Variants in AFF3 observed in about 807,000 individuals in gnomAD.
AFF3 encodes ALF transcription elongation factor 3, also known as AF4/FMR2 family member 3.
Under a neutral mutation model 129.7 loss-of-function variants are expected in AFF3, and 32 were observed. The observed-to-expected ratio is 0.25, with a 90% CI of 0.19 to 0.33. The LOEUF (loss-of-function observed/expected upper bound fraction) is 0.33, where lower values mean the gene tolerates loss of function less well. AFF3 is among the 10% of genes least tolerant of loss of function. AFF3 has a pLI of 1.00. For synonymous variants in AFF3, 644 were observed against 635.4 expected, an observed-to-expected ratio of 1.01 and a Z score of -0.20; for missense variants, 1,373 against 1,592.0, an observed-to-expected ratio of 0.86 and a Z score of 2.34.
chr2:99,760,558 C>T (rs1429042792), intron 8 of AFF3, among the ~76,000 whole-genome samples: 1 of 152,156 alleles, frequency 6.6e-6, no homozygotes, highest in Non-Finnish European at 1.5e-5. Flanking sequence ...AGAAACAATG[C>T]TATTTCATTA....
chr2:99,578,336 A>C lies in AFF3; in HGVS notation c.2909T>G (p.Phe970Cys). The C allele has an allele frequency of 6.2e-7, 1 of 1,600,296 alleles. No homozygotes were observed. The highest frequency in any genetic ancestry group is 8.5e-7 in the Non-Finnish European group (1 of 1,175,410). The stretch of plus-strand genomic sequence containing the variant: ...AAGCGTCTGAACTTACATATCATCG[A>C]AGACAAGTTTCTGCCTCTTGCAGTC... Reference protein sequence around the residue: ...HRDCKRQKLVFDDMPRSADYF... With the variant: ...HRDCKRQKLVCDDMPRSADYF... Residue 970 changes from phenylalanine (F) to cysteine (C), a missense_variant, in exon 18 of 25, where the codon TTC (phenylalanine) becomes TGC (cysteine). This residue lies in a region of AFF3 where 65 missense variants were observed against 102.1 expected (regional missense o/e 0.64). Transcript: ENST00000672756.
At chr2:100,049,972 G>C (rs926142557) in intron 4 of AFF3, among the ~76,000 whole-genome samples, 1 of 152,152 alleles carries the variant, frequency 6.6e-6, no homozygotes, top group Non-Finnish European at 1.5e-5. Flanking sequence ...CCAGCACTTT[G>C]AGAGGCTGAG....
At chr2:99,968,930 A>G (rs1350417273) in intron 7 of AFF3, among the ~76,000 whole-genome samples, 1 of 152,220 alleles carries the variant, frequency 6.6e-6, no homozygotes, top group Non-Finnish European at 1.5e-5. Flanking sequence ...GCAAAGAAAG[A>G]GAACCACAGG....
intron 1 of AFF3, among the ~76,000 whole-genome samples, chr2:100,135,563 C>T (rs1025222395): frequency 5.3e-5 from 8 of 152,272 alleles, no homozygotes; most frequent in South Asian, 2.1e-4. Context: ...AGGCACCAGA[C>T]GTGTGAGTGG....
At chr2:99,688,426 A>G (rs1053369422) in intron 11 of AFF3, among the ~76,000 whole-genome samples, 2 of 152,354 alleles carry the variant, frequency 1.3e-5, no homozygotes, top group African/African-American at 2.4e-5. Context: ...CAAAAGCAGT[A>G]TACTTTCCAA....
rs1412680759 is a variant in AFF3 at position 99,546,868 on chromosome 2, C to G, written c.*4606G>C. 1 of 219,756 alleles carries G rather than the reference C, an allele frequency of 4.6e-6. No individual in the cohort carries two copies. The highest frequency in any genetic ancestry group is 9.1e-6 in the Non-Finnish European group (1 of 109,750). 13.6% of individuals were successfully genotyped at this position (219,756 alleles called of 1,614,324 possible). On this transcript the variant is annotated 3_prime_UTR_variant, in exon 25 of 25. Coordinates refer to ENST00000672756, the MANE Select transcript of AFF3 (RefSeq NM_001386135.1). The stretch of plus-strand genomic sequence containing the variant: ...CGGCATCCCAGGGCTACTGGTTGAA[C>G]AGGAACCCTGTGGCCATTGAGATGA...
In AFF3 at chr2:99,666,539, A is replaced by C. The variant is rs540455954; in HGVS notation, c.1143+5999T>G. 4.6e-5 allele frequency among the ~76,000 whole-genome samples: 7 copies of C among 152,340 alleles called. No individual in the cohort carries two copies. In the East Asian group the frequency reaches 1.2e-3, roughly 25 times the overall value. On this transcript the variant is annotated intron_variant, in intron 12 of 24. Coordinates refer to ENST00000672756, the MANE Select transcript of AFF3 (RefSeq NM_001386135.1). ...AACAAAAAATAGAGTGGTAGACTTAAGCTTTAACAAATCAATAATTACATT... is the reference window on the plus strand; with the variant it reads ...AACAAAAAATAGAGTGGTAGACTTACGCTTTAACAAATCAATAATTACATT...
chr2:100,112,059 T>G (rs1056948805), intron 2 of AFF3, among the ~76,000 whole-genome samples: 2 of 152,364 alleles, frequency 1.3e-5, no homozygotes, highest in South Asian at 2.1e-4. Flanking sequence ...ACAGTAAGCA[T>G]GCAATTAGAG....
chr2:99,614,118 C>T (rs1009703104), intron 13 of AFF3, among the ~76,000 whole-genome samples: 1 of 152,074 alleles, frequency 6.6e-6, no homozygotes, highest in Admixed American at 6.6e-5. Flanking sequence ...TAACTCTGAA[C>T]CAGGAGTGGG....
intron 4 of AFF3, among the ~76,000 whole-genome samples, chr2:100,022,707 T>C (rs988748772): frequency 6.6e-6 from 1 of 152,202 alleles, no homozygotes; most frequent in Non-Finnish European, 1.5e-5. Context: ...CCACTGCGCC[T>C]GGCCCTGTCT....
At chr2:99,940,456 G>A (rs1166086490) in intron 7 of AFF3, among the ~76,000 whole-genome samples, 1 of 152,168 alleles carries the variant, frequency 6.6e-6, no homozygotes, top group Admixed American at 6.5e-5. Context: ...CGAAGACCTT[G>A]CTGCTAAAAC....
intron 8 of AFF3, among the ~76,000 whole-genome samples, chr2:99,755,261 T>C (rs548658223): frequency 4.0e-5 from 6 of 151,838 alleles, no homozygotes; most frequent in African/African-American, 1.4e-4. Flanking sequence ...ACCTTCATGA[T>C]ATTTTCCTAT....
At chr2:100,041,236 A>G (rs1685402022) in intron 4 of AFF3, among the ~76,000 whole-genome samples, 9 of 152,260 alleles carry the variant, frequency 5.9e-5, no homozygotes, top group Admixed American at 5.9e-4. Context: ...CAGGGAGCAC[A>G]GTGTTTTCAA....
chr2:99,588,813 A>G (rs1678378630), intron 15 of AFF3, among the ~76,000 whole-genome samples: 1 of 152,204 alleles, frequency 6.6e-6, no homozygotes, highest in African/African-American at 2.4e-5. Context: ...ATGGGGTCCC[A>G]TCTCCAGCAC....
chr2:99,725,120 G>A (rs1434418971), intron 11 of AFF3, among the ~76,000 whole-genome samples: 1 of 151,874 alleles, frequency 6.6e-6, no homozygotes, highest in Admixed American at 6.6e-5. Context: ...ACAGGCACGC[G>A]CCACCATGCC....
chr2:99,640,399 G>A (rs917928201), intron 13 of AFF3, among the ~76,000 whole-genome samples: 6 of 151,824 alleles, frequency 4.0e-5, no homozygotes, highest in East Asian at 3.9e-4. Flanking sequence ...GAAAGGAAGC[G>A]CCTCTTCTAT....
At position 100,087,615 on chromosome 2, in the gene AFF3, C is replaced by T. The variant is rs530195688; in HGVS notation, c.53+16787G>A. 1.4e-3 allele frequency among the ~76,000 whole-genome samples: 217 copies of T among 151,816 alleles called. 5 individuals are homozygous for T. Among genetic ancestry groups the T allele is most frequent in the African/African-American group, 5.0e-3 (205 of 41,196 alleles). On this transcript the variant is annotated intron_variant, in intron 4 of 24. Coordinates refer to ENST00000672756, the MANE Select transcript of AFF3 (RefSeq NM_001386135.1). ...AGAGAATATGCAGAAACAATGCTTT[C>T]GTGTTTCCATGGGCATGTCCTGAGA... is the stretch of plus-strand genomic sequence containing the variant.
chr2:99,896,719 T>A (rs1356603787), intron 7 of AFF3, among the ~76,000 whole-genome samples: 2 of 127,418 alleles, frequency 1.6e-5, no homozygotes, highest in Non-Finnish European at 3.1e-5. Context: ...CACTGTGACC[T>A]CCACCTCCCA....
At chr2:99,674,941 T>C (rs547513737) in intron 11 of AFF3, among the ~76,000 whole-genome samples, 2 of 152,322 alleles carry the variant, frequency 1.3e-5, no homozygotes, top group African/African-American at 4.8e-5. Flanking sequence ...TTCAAACATG[T>C]GCTAAACGCG....
Sources: gnomAD v4.1 joint callset for allele counts (sites outside exome capture counted in the v4.1 genomes callset) on GRCh38, gnomAD v4.1.1 for gene constraint, gnomAD v4.1.1 regional missense constraint, MANE v1.5 for transcripts, NCBI Gene and HGNC (gene_info 2026-07-23, HGNC 2026-07-21) for gene names.